CSAD: variants seen among roughly 807,000 people sequenced by gnomAD.
CSAD encodes cysteine sulfinic acid decarboxylase, also known as P-selectin cytoplasmic tail-associated protein.
In CSAD, 47 loss-of-function variants were observed where a neutral mutation model predicts 61.5. The observed-to-expected ratio is 0.76, with a 90% confidence interval of 0.60 to 0.97. The LOEUF (loss-of-function observed/expected upper bound fraction) is 0.97. Among genes scored for constraint, CSAD ranks in the 50% least tolerant of loss-of-function variants. CSAD has a pLI of 0.00. For synonymous variants in CSAD, 245 were observed against 252.7 expected (o/e 0.97, Z 0.29); for missense variants, 611 against 643.6 (o/e 0.95, Z 0.55).
chr12:53,179,817 A>T, intron 1 of CSAD: 1 of 1,613,824 alleles, frequency 6.2e-7, no homozygotes, highest in South Asian at 1.1e-5. Flanking sequence ...ATCTCCTTCC[A>T]TCAAGCGCAT....
intron 10 of CSAD, among the ~76,000 whole-genome samples, chr12:53,169,674 C>T (rs373227043): frequency 6.6e-6 from 1 of 152,204 alleles, no homozygotes; most frequent in East Asian, 1.9e-4. Context: ...ACATACCCCT[C>T]GAAGTAGAGG....
intron 10 of CSAD, among the ~76,000 whole-genome samples, chr12:53,162,934 G>C (rs1459408659): frequency 2.6e-4 from 39 of 152,046 alleles, no homozygotes; most frequent in Non-Finnish European, 2.9e-5. Flanking sequence ...GGTGGCACAT[G>C]CCTGTAATCC....
chr12:53,171,256 G>A (rs752125364), intron 8 of CSAD, 70 bp downstream of exon 8: 9 of 1,607,124 alleles, frequency 5.6e-6, no homozygotes, highest in East Asian at 2.2e-5. Flanking sequence ...AGAAGACCTG[G>A]AAGGTCTCTA....
At chr12:53,171,679 G>A (rs1940599647) in intron 7 of CSAD, 2 of 618,132 alleles carry the variant, frequency 3.2e-6, no homozygotes, top group Non-Finnish European at 5.6e-6. Context: ...GAGATAGCAG[G>A]AACTAGACCA....
At chr12:53,178,275 C>A in intron 2 of CSAD, 1 of 436,086 alleles carries the variant, frequency 2.3e-6, no homozygotes, top group South Asian at 1.6e-5. Flanking sequence ...GAATTCGAGA[C>A]CAGCCTGGGC....
chr12:53,165,040 G>C (rs182933127), intron 10 of CSAD, among the ~76,000 whole-genome samples: 1 of 152,326 alleles, frequency 6.6e-6, no homozygotes, highest in East Asian at 1.9e-4. Flanking sequence ...CAGAAAATGA[G>C]GGGATGCATG....
chr12:53,174,307 CA>C (rs5798236), intron 2 of CSAD, among the ~76,000 whole-genome samples: 43,276 of 102,564 alleles, frequency 0.42, 7,554 homozygotes, highest in African/African-American at 0.62. Context: ...GACTCCATCT[CA>C]AAAAAAAAAA....
intron 10 of CSAD, among the ~76,000 whole-genome samples, chr12:53,163,117 C>A (rs879068293): frequency 6.6e-6 from 1 of 152,004 alleles, no homozygotes; most frequent in African/African-American, 2.4e-5. Context: ...CTCCTATAGT[C>A]CCAGCTACCT....
intron 10 of CSAD, among the ~76,000 whole-genome samples, chr12:53,169,420 A>G (rs866596484): frequency 6.6e-6 from 1 of 151,722 alleles, no homozygotes; most frequent in South Asian, 2.1e-4. Context: ...CGGAGGTTGC[A>G]GTGAGTCGAG....
At chr12:53,165,981 T>A (rs528882204) in intron 10 of CSAD, among the ~76,000 whole-genome samples, 2 of 152,344 alleles carry the variant, frequency 1.3e-5, no homozygotes, top group South Asian at 4.1e-4. Context: ...AATTCTCACA[T>A]GCTACGACGT....
chr12:53,158,554 T>C lies in CSAD; in HGVS notation c.1439A>G (p.Asp480Gly). The C allele has an allele frequency of 1.2e-6, 2 of 1,613,320 alleles. No individual in the cohort carries two copies. Among genetic ancestry groups the C allele is most frequent in the Non-Finnish European group, 1.7e-6 (2 of 1,179,996 alleles). ...ANSALTCADM[D>G]FLLNELERLG... Reference sequence around the variant, plus strand: ...CCGCTCCAGCTCGTTGAGGAGGAAGTCCATATCAGCACAGGTCAGTGCAGA... The same window carrying C: ...CCGCTCCAGCTCGTTGAGGAGGAAGCCCATATCAGCACAGGTCAGTGCAGA... The change falls in exon 17 of 17, where the codon GAC (aspartate) becomes GGC (glycine). Residue 480 changes from aspartate to glycine, a missense_variant. Coordinates refer to ENST00000444623, the MANE Select transcript of CSAD (RefSeq NM_001244705.2).
intron 16 of CSAD, among the ~76,000 whole-genome samples, chr12:53,159,151 T>C (rs1215722041): frequency 1.3e-5 from 2 of 152,218 alleles, no homozygotes; most frequent in Admixed American, 1.3e-4. Flanking sequence ...TGCCTTATAA[T>C]AACAACTCCA....
rs1358226316 is a variant in CSAD, at chr12:53,180,797, G to C, written c.-156C>G. On this transcript the variant is annotated 5_prime_UTR_variant, in exon 1 of 17. Transcript: ENST00000444623. ...GGGTGTGCTGGGGCCTGGAGGAGGCGCCGCGCGGCCAGGGAGCCAGCGGGA... is the reference window on the plus strand; with the variant it reads ...GGGTGTGCTGGGGCCTGGAGGAGGCCCCGCGCGGCCAGGGAGCCAGCGGGA... 3 of 1,272,192 alleles carry C rather than the reference G, an allele frequency of 2.4e-6. No homozygotes were observed. The highest frequency in any genetic ancestry group is 3.2e-5 in the African/African-American group (2 of 63,406). The allele number at this position is 1,272,192 out of a possible 1,614,324, so 78.8% of individuals were successfully genotyped here.
rs191492141 is a variant in CSAD, at chr12:53,172,215, A to T, written c.344+131T>A. 9 of 932,128 alleles carry T rather than the reference A, an allele frequency of 9.7e-6. No individual in the cohort carries two copies. In the African/African-American group the frequency reaches 1.3e-4, roughly 14 times the overall value. The allele number at this position is 932,128 out of a possible 1,614,324, so 57.7% of individuals were successfully genotyped here. On this transcript the variant is annotated intron_variant, in intron 6 of 16. Coordinates refer to ENST00000444623, the MANE Select transcript of CSAD (RefSeq NM_001244705.2). ...GTGGGTCCAAAGGATATGAGGAAAA[A>T]CTCTCTGCCGACAGGGATTCCCAGA...
intron 1 of CSAD, chr12:53,180,113 T>C: frequency 7.5e-7 from 1 of 1,331,880 alleles, no homozygotes; most frequent in Non-Finnish European, 9.6e-7. Context: ...GTGAGCAGTG[T>C]GGCCAAGGGC....
intron 10 of CSAD, among the ~76,000 whole-genome samples, chr12:53,167,648 A>G (rs1940087799): frequency 6.6e-6 from 1 of 152,234 alleles, no homozygotes; most frequent in Non-Finnish European, 1.5e-5. Flanking sequence ...ATCATTAGTC[A>G]TCAGGGAAAA....
rs187620844 is a variant in CSAD, at chr12:53,166,434, G to A, written c.702+3638C>T. 3.2e-3 allele frequency: 494 copies of A among 156,684 alleles called. 8 individuals are homozygous for A. The highest frequency in any genetic ancestry group is 8.9e-4 in the Non-Finnish European group (64 of 71,556). 9.7% of individuals were successfully genotyped at this position (156,684 alleles called of 1,614,324 possible). On this transcript the variant is annotated intron_variant, in intron 10 of 16. Transcript: ENST00000444623. ...TCATGGAGACAGAAAGTAGAATGGT[G>A]GCTGCCAGGGGCTGGAAGAGGGGGT...
chr12:53,180,800 G>A lies in CSAD; in HGVS notation c.-159C>T, dbSNP rs572292864. 2.3e-4 allele frequency: 290 copies of A among 1,272,360 alleles called. 2 individuals are homozygous for A. In the Middle Eastern group the frequency reaches 3.7e-3, roughly 16 times the overall value. The allele number at this position is 1,272,360 out of a possible 1,614,324, so 78.8% of individuals were successfully genotyped here. On this transcript the variant is annotated 5_prime_UTR_variant, in exon 1 of 17. Coordinates refer to ENST00000444623, the MANE Select transcript of CSAD (RefSeq NM_001244705.2). ...TGTGCTGGGGCCTGGAGGAGGCGCCGCGCGGCCAGGGAGCCAGCGGGAGGC... is the reference window on the plus strand; with the variant it reads ...TGTGCTGGGGCCTGGAGGAGGCGCCACGCGGCCAGGGAGCCAGCGGGAGGC...
Position 53,171,361 on chromosome 12 carries a change from T to C in CSAD, c.532A>G (p.Thr178Ala), listed in dbSNP as rs779146492. 4 of 1,613,984 alleles carry C rather than the reference T, an allele frequency of 2.5e-6. No individual in the cohort carries two copies. The highest frequency in any genetic ancestry group is 3.4e-6 in the Non-Finnish European group (4 of 1,179,964). ...GTGAATAGGGCCAGGGGCGGCAGTG[T>C]GCGGAGGCCCCTCTGCTTGCAATCC... ...YPDCKQRGLR[T>A]LPPLALFTSK... Residue 178 changes from threonine (T) to alanine (A), a missense_variant, in exon 8 of 17, where the codon ACA becomes GCA. Thr to Ala is a moderately conservative substitution (Grantham distance 58). Coordinates refer to ENST00000444623, the MANE Select transcript of CSAD (RefSeq NM_001244705.2).
Sources: allele counts gnomAD v4.1 joint callset (sites outside exome capture counted in the v4.1 genomes callset), GRCh38; gene constraint gnomAD v4.1.1; transcripts MANE v1.5; gene names NCBI Gene and HGNC (gene_info 2026-07-23, HGNC 2026-07-21).